The following ANO9 variants were observed in gnomAD, a reference collection of about 807,000 sequenced individuals.
ANO9 encodes anoctamin-9.
A neutral mutation model predicts 100.5 loss-of-function variants in ANO9; 80 were observed. That is an observed-to-expected ratio of 0.80 (90% CI 0.66 to 0.96). The LOEUF is 0.96. ANO9 is among the 40% of genes least tolerant of loss of function. ANO9 has a pLI of 0.00. For synonymous variants in ANO9, 473 were observed against 435.6 expected (o/e 1.09, Z -1.07); for missense variants, 1,064 against 1,072.7 (o/e 0.99, Z 0.11).
chr11:438,115 A>C (rs1472731609), intron 1 of ANO9, among the ~76,000 whole-genome samples: 1 of 152,004 alleles, frequency 6.6e-6, no homozygotes, highest in African/African-American at 2.4e-5. Flanking sequence ...ACCGTGCAGC[A>C]CTGGGGTGAT....
At chr11:433,719 C>T (rs1849223991) in intron 3 of ANO9, 96 bp downstream of exon 3, 1 of 1,477,574 alleles carries the variant, frequency 6.8e-7, no homozygotes, top group Non-Finnish European at 9.0e-7. Context: ...ACAGCCCTGC[C>T]CCTCGCTGGG....
At position 429,780 on chromosome 11, in the gene ANO9, G is replaced by T; in HGVS notation, c.810C>A (p.Phe270Leu). The T allele has an allele frequency of 6.2e-7, 1 of 1,610,360 alleles. No individual in the cohort carries two copies. The highest frequency in any genetic ancestry group is 1.1e-5 in the South Asian group (1 of 90,928). ...HLFDNDGTVV[F>L]AIFMALWATV... is the part of the protein sequence containing the mutation. ...CACCCCAGAGAGCCATGAAGATGGC[G>T]AACACCACCGTGCCATCATTGTCAA... Residue 270 changes from phenylalanine (F) to leucine (L), a missense_variant, in exon 10 of 23, where the codon TTC (phenylalanine) becomes TTA (leucine). Phe to Leu is a conservative substitution (Grantham distance 22). Transcript: ENST00000332826.
At chr11:427,723 C>CA (rs199535923) in intron 15 of ANO9, among the ~76,000 whole-genome samples, 2,511 of 152,174 alleles carry the variant, frequency 0.017, 54 homozygotes, top group African/African-American at 0.047. Context: ...CTCTCTCTCT[C>CA]TCTCATATAT....
At chr11:437,695 G>C (rs924706535) in intron 1 of ANO9, among the ~76,000 whole-genome samples, 7 of 152,248 alleles carry the variant, frequency 4.6e-5, no homozygotes, top group Admixed American at 6.5e-5. Flanking sequence ...AGCCTCCCTG[G>C]GGGGGACTGG....
chr11:420,218 G>C, intron 19 of ANO9: 1 of 1,411,948 alleles, frequency 7.1e-7, no homozygotes, highest in South Asian at 1.5e-5. Flanking sequence ...CCTTGGGGGC[G>C]TCAAGCCCCT....
chr11:420,681 C>T, intron 18 of ANO9, 37 bp downstream of exon 18: 1 of 1,601,536 alleles, frequency 6.2e-7, no homozygotes. Context: ...GCCCCGCATT[C>T]GTCTCCGCGA....
Position 418,304 on chromosome 11 carries a change from G to A in ANO9, c.*67C>T, listed in dbSNP as rs868868537. On this transcript the variant is annotated 3_prime_UTR_variant, in exon 23 of 23. Coordinates refer to ENST00000332826, the MANE Select transcript of ANO9 (RefSeq NM_001012302.3). ...AGCACCCCTCAACACGCACAGCGGT[G>A]GGCTTGTGGGAGGTGCTGGTGGTGG... The A allele has an allele frequency of 2.8e-6, 4 of 1,423,492 alleles. No individual in the cohort carries two copies. The Middle Eastern group carries it at 7.5e-4, about 266-fold the overall frequency. The allele number at this position is 1,423,492 out of a possible 1,614,324, so 88.2% of individuals were successfully genotyped here. A position where few individuals can be genotyped will look rare whatever the true frequency, so the allele number is the denominator to read the frequency against.
intron 1 of ANO9, among the ~76,000 whole-genome samples, chr11:434,893 C>T (rs1436249680): frequency 3.9e-5 from 6 of 152,190 alleles, no homozygotes; most frequent in African/African-American, 1.4e-4. Flanking sequence ...CTGTCTCTGG[C>T]TGCGTCACAC....
chr11:426,995 G>T (rs1848556855), intron 15 of ANO9, among the ~76,000 whole-genome samples: 2 of 152,254 alleles, frequency 1.3e-5, no homozygotes, highest in South Asian at 4.2e-4. Context: ...AGGAGACCAG[G>T]GTTCACCCGC....
chr11:433,204 G>A, intron 4 of ANO9, 110 bp downstream of exon 4: 1 of 1,449,442 alleles, frequency 6.9e-7, no homozygotes, highest in East Asian at 2.4e-5. Flanking sequence ...CCACACGGCT[G>A]TCCTGCCTTG....
Position 432,010 on chromosome 11 carries a change from G to T in ANO9, c.395C>A (p.Thr132Asn), listed in dbSNP as rs759523041. The stretch of plus-strand genomic sequence containing the variant: ...ACCCCTGCCCTTACCACCAGCCGAG[G>T]TCTTGTTGTTCATGACAACGAAGTT... ...IVNFVVMNNK[T>N]SAGETFEDLM... The change falls in exon 5 of 23, where the codon ACC becomes AAC. Residue 132 changes from threonine (T) to asparagine (N), a missense_variant. Thr to Asn is a moderately conservative substitution (Grantham distance 65). Coordinates refer to ENST00000332826, the MANE Select transcript of ANO9 (RefSeq NM_001012302.3). This position sits in a 1 kb window ranked among gnomAD's most constrained non-coding sequence, Gnocchi z 4.8. The T allele has an allele frequency of 2.5e-6, 4 of 1,613,080 alleles. No homozygotes were observed. The highest frequency in any genetic ancestry group is 2.2e-5 in the East Asian group (1 of 44,882).
chr11:421,183 G>A lies in ANO9; in HGVS notation c.1350C>T (p.Pro450=), dbSNP rs146267683. The change falls in exon 16 of 23, where the codon CCC becomes CCT. Residue 450 remains proline, a synonymous_variant. Coordinates refer to ENST00000332826, the MANE Select transcript of ANO9 (RefSeq NM_001012302.3). This position sits in a 1 kb window ranked among gnomAD's most constrained non-coding sequence, Gnocchi z 6.8. ...AGCCCGCCAGGCGCGTGGACTTCCC[G>A]GGGTGGCCGTTGATCCTGGGGAGGA... is the stretch of plus-strand genomic sequence containing the variant. The part of the protein sequence containing the change: ...AFILGRINGH[P]GKSTRLAGLW... 215 of 1,556,396 alleles carry A rather than the reference G, an allele frequency of 1.4e-4. No individual in the cohort carries two copies. In the Middle Eastern group the frequency reaches 4.9e-3, roughly 35 times the overall value.
intron 1 of ANO9, among the ~76,000 whole-genome samples, chr11:436,689 G>A (rs1356313404): frequency 4.9e-5 from 6 of 123,708 alleles, no homozygotes; most frequent in Non-Finnish European, 8.7e-5. Flanking sequence ...GTGAGCAGGA[G>A]GTGAGCAGGG....
At chr11:440,962 A>G (rs74045353) in intron 1 of ANO9, among the ~76,000 whole-genome samples, 327 of 152,286 alleles carry the variant, frequency 2.1e-3, no homozygotes, top group African/African-American at 7.6e-3. Context: ...GCTTCTCCCA[A>G]CCCAACCCCT....
chr11:437,065 T>TGCGCGGGGGG (rs1845403871), intron 1 of ANO9, among the ~76,000 whole-genome samples: 1 of 134,154 alleles, frequency 7.5e-6, no homozygotes, highest in Non-Finnish European at 1.6e-5. Flanking sequence ...GAGCTGGGGG[T>TGCGCGGGGGG]GAATGTTCCC....
intron 11 of ANO9, 97 bp from the exon 12 acceptor site, chr11:428,923 G>T (rs771259266): frequency 8.7e-7 from 1 of 1,151,682 alleles, no homozygotes; most frequent in African/African-American, 1.6e-5. Context: ...ACAGACACGG[G>T]ACACTCACCC....
chr11:433,206 C>A (rs1849159731), intron 4 of ANO9, 108 bp downstream of exon 4: 3 of 1,460,800 alleles, frequency 2.1e-6, no homozygotes, highest in Non-Finnish European at 1.8e-6. Flanking sequence ...ACACGGCTGT[C>A]CTGCCTTGGC....
Position 432,142 on chromosome 11 carries a change from G to A in ANO9, c.351-88C>T. The A allele has an allele frequency of 6.9e-7, 1 of 1,448,684 alleles. No homozygotes were observed. Among genetic ancestry groups the A allele is most frequent in the Non-Finnish European group, 9.5e-7 (1 of 1,050,470 alleles). 89.7% of individuals were successfully genotyped at this position (1,448,684 alleles called of 1,614,324 possible). A position where few individuals can be genotyped will look rare whatever the true frequency, so the allele number is the denominator to read the frequency against. ...CTGCCCTCTGGTCTGGCCAGGCCCA[G>A]GCCCCTCCCTGTCCTGGCAGAGCCC... is the stretch of plus-strand genomic sequence containing the variant. On this transcript the variant is annotated intron_variant, in intron 4 of 22. Transcript: ENST00000332826. The surrounding 1 kb of genome is among the most constrained non-coding windows in gnomAD (Gnocchi z 4.8).
intron 15 of ANO9, among the ~76,000 whole-genome samples, chr11:423,120 A>T (rs1405663021): frequency 6.6e-6 from 1 of 152,136 alleles, no homozygotes; most frequent in Non-Finnish European, 1.5e-5. Context: ...GAGCCACCAC[A>T]CCCAGCTAGT....
Sources: allele counts gnomAD v4.1 joint callset (sites outside exome capture counted in the v4.1 genomes callset), GRCh38; gene constraint gnomAD v4.1.1; non-coding constraint Gnocchi (gnomAD v3.1); transcripts MANE v1.5; gene names NCBI Gene and HGNC (gene_info 2026-07-23, HGNC 2026-07-21).